Variants in MED13L observed in about 807,000 individuals in gnomAD.
MED13L encodes the protein mediator of RNA polymerase II transcription subunit 13-like.
Under a neutral mutation model 220.9 loss-of-function variants are expected in MED13L, and 7 were observed. That is an observed-to-expected ratio of 0.03 (90% CI 0.02 to 0.06). The LOEUF is 0.06. MED13L is among the 10% of genes least tolerant of loss of function. MED13L has a pLI of 1.00. For synonymous variants in MED13L, 1,011 were observed against 1,015.2 expected (o/e 1.00, Z 0.08); for missense variants, 1,965 against 2,760.5 (o/e 0.71, Z 6.46).
At chr12:116,115,014 TC>T (rs1874391596) in intron 2 of MED13L, among the ~76,000 whole-genome samples, 1 of 152,170 alleles carries the variant, frequency 6.6e-6, no homozygotes, top group Admixed American at 6.5e-5. Flanking sequence ...TCAACTCAAT[TC>T]TAATAAAAAT....
At chr12:116,190,476 T>G (rs1823748083) in intron 2 of MED13L, among the ~76,000 whole-genome samples, 1 of 152,202 alleles carries the variant, frequency 6.6e-6, no homozygotes, top group Admixed American at 6.5e-5. Context: ...GCTCACTACA[T>G]CAAATCTGAA....
chr12:116,179,706 G>C (rs113274284), intron 2 of MED13L, among the ~76,000 whole-genome samples: 2 of 150,570 alleles, frequency 1.3e-5, no homozygotes, highest in South Asian at 4.2e-4. Flanking sequence ...TTTTTTAAAG[G>C]TTACAAGAGA....
At position 116,096,650 on chromosome 12, in the gene MED13L, G is replaced by A. The variant is rs1407654572; in HGVS notation, c.479+19C>T. 2 of 1,608,420 alleles carry A rather than the reference G, an allele frequency of 1.2e-6. No individual in the cohort carries two copies. The highest frequency in any genetic ancestry group is 1.7e-5 in the Admixed American group (1 of 59,982). ...AAGGCCAAAGAAACCAAAAAGCCAAGAGCATTCTAAAGGCTCACCTTTTGT... is the reference window on the plus strand; with the variant it reads ...AAGGCCAAAGAAACCAAAAAGCCAAAAGCATTCTAAAGGCTCACCTTTTGT... On this transcript the variant is annotated intron_variant, in intron 4 of 30. Transcript: ENST00000281928.
At chr12:116,223,849 C>T (rs1868682765) in intron 2 of MED13L, among the ~76,000 whole-genome samples, 1 of 152,154 alleles carries the variant, frequency 6.6e-6, no homozygotes, top group Admixed American at 6.5e-5. Flanking sequence ...TATCCTATAA[C>T]AACATCATGT....
At chr12:116,007,006 G>A (rs527472076) in intron 11 of MED13L, 8 of 272,936 alleles carry the variant, frequency 2.9e-5, no homozygotes, top group Middle Eastern at 1.3e-3. Context: ...TAGGTACAGC[G>A]CTCAGCACAG....
intron 1 of MED13L, among the ~76,000 whole-genome samples, chr12:116,275,006 A>AG (rs2138607511): frequency 6.6e-6 from 1 of 152,006 alleles, no homozygotes; most frequent in Non-Finnish European, 1.5e-5. Context: ...AAAAAAAAAA[A>AG]AGATAAAAGA....
intron 2 of MED13L, among the ~76,000 whole-genome samples, chr12:116,124,713 G>T (rs2137973909): frequency 6.6e-6 from 1 of 152,228 alleles, no homozygotes; most frequent in East Asian, 1.9e-4. Flanking sequence ...GGTTTTAACT[G>T]TAAATATAAA....
At chr12:116,235,312 G>A (rs1465031383) in intron 2 of MED13L, among the ~76,000 whole-genome samples, 1 of 152,010 alleles carries the variant, frequency 6.6e-6, no homozygotes, top group South Asian at 2.1e-4. Context: ...TTCCATTACT[G>A]TAATACTTTC....
intron 2 of MED13L, among the ~76,000 whole-genome samples, chr12:116,231,584 A>G (rs1869557581): frequency 1.3e-5 from 2 of 152,338 alleles, no homozygotes; most frequent in Admixed American, 1.3e-4. Context: ...TGGATCAGAG[A>G]GAGAGAAAAC....
chr12:116,152,477 A>G (rs1270801472), intron 2 of MED13L, among the ~76,000 whole-genome samples: 3 of 152,144 alleles, frequency 2.0e-5, no homozygotes, highest in African/African-American at 7.2e-5. Context: ...CAAAGAATGC[A>G]AGCCACAGTC....
Position 115,959,117 on chromosome 12 carries a change from T to C in MED13L, c.*2149A>G, listed in dbSNP as rs1875599630. The C allele has an allele frequency of 6.6e-6, 1 of 152,586 alleles. No homozygotes were observed. The highest frequency in any genetic ancestry group is 1.5e-5 in the Non-Finnish European group (1 of 68,044). 9.5% of individuals were successfully genotyped at this position (152,586 alleles called of 1,614,324 possible). A position where few individuals can be genotyped will look rare whatever the true frequency, so the allele number is the denominator to read the frequency against. ...AATAATGCATATTTAAGGGAAATAT[T>C]ATACAGACTTTTTCACACAGAAGTA... On this transcript the variant is annotated 3_prime_UTR_variant, in exon 31 of 31. Transcript: ENST00000281928.
At chr12:116,098,542 AG>A (rs1872806028) in intron 3 of MED13L, among the ~76,000 whole-genome samples, 1 of 152,178 alleles carries the variant, frequency 6.6e-6, no homozygotes, top group African/African-American at 2.4e-5. Context: ...AAACAATTCA[AG>A]CCCTCACCCA....
chr12:116,108,090 A>AAAAC (rs1334930524), intron 3 of MED13L, among the ~76,000 whole-genome samples: 20 of 151,988 alleles, frequency 1.3e-4, no homozygotes, highest in African/African-American at 2.4e-4. Flanking sequence ...ACTCCATCTC[A>AAAAC]AAACAAACAA....
intron 2 of MED13L, among the ~76,000 whole-genome samples, chr12:116,165,040 T>C (rs974745610): frequency 6.6e-6 from 1 of 152,188 alleles, no homozygotes; most frequent in Non-Finnish European, 1.5e-5. Context: ...AAGAATATTA[T>C]AGTCTTCATG....
At chr12:115,997,921 T>C (rs1878508275) in intron 14 of MED13L, among the ~76,000 whole-genome samples, 1 of 152,186 alleles carries the variant, frequency 6.6e-6, no homozygotes, top group South Asian at 2.1e-4. Context: ...CAAGTATGTA[T>C]AAAATATTAC....
chr12:116,031,806 A>AGGAAGGAAAG (rs1219016220), intron 4 of MED13L, among the ~76,000 whole-genome samples: 1 of 150,654 alleles, frequency 6.6e-6, no homozygotes, highest in African/African-American at 2.5e-5. Context: ...GAAGGAAAGA[A>AGGAAGGAAAG]AGAGAGAAAG....
intron 14 of MED13L, among the ~76,000 whole-genome samples, chr12:115,999,340 G>C (rs906240970): frequency 6.6e-6 from 1 of 151,678 alleles, no homozygotes; most frequent in African/African-American, 2.4e-5. Flanking sequence ...GCAGTGAGCC[G>C]AGATCTCGCC....
chr12:116,003,121 A>C lies in MED13L; in HGVS notation c.2470-19T>G. The C allele has an allele frequency of 6.2e-7, 1 of 1,602,058 alleles. No homozygotes were observed. The highest frequency in any genetic ancestry group is 1.7e-4 in the Middle Eastern group (1 of 6,048). Reference sequence around the variant, plus strand: ...ATACAGCCTAAGAACAGACGGTGTTATTAAAACAGAGTGACGTGTATATAA... The same window carrying C: ...ATACAGCCTAAGAACAGACGGTGTTCTTAAAACAGAGTGACGTGTATATAA... On this transcript the variant is annotated intron_variant, in intron 13 of 30. Transcript: ENST00000281928.
Position 115,991,882 on chromosome 12 carries a change from C to T in MED13L, c.3072G>A (p.Leu1024=). 6.2e-7 allele frequency: 1 copy of T among 1,603,984 alleles called. No homozygotes were observed. Among genetic ancestry groups the T allele is most frequent in the Non-Finnish European group, 8.5e-7 (1 of 1,179,934 alleles). The change falls in exon 17 of 31, where the codon TTG becomes TTA. Residue 1024 remains leucine, a synonymous_variant. Transcript: ENST00000281928. This position sits in a 1 kb window ranked among gnomAD's most constrained non-coding sequence, Gnocchi z 7.7. ...NTPQMNTPVT[L]NSAAPASNSG... is the part of the protein sequence containing the mutation. Reference sequence around the variant, plus strand: ...TATTGCTGGCTGGGGCAGCGCTGTTCAACGTCACGGGTGTGTTCATCTGTG... The same window carrying T: ...TATTGCTGGCTGGGGCAGCGCTGTTTAACGTCACGGGTGTGTTCATCTGTG...
Sources: gnomAD v4.1 joint callset for allele counts (sites outside exome capture counted in the v4.1 genomes callset) on GRCh38, gnomAD v4.1.1 for gene constraint, Gnocchi (gnomAD v3.1) non-coding constraint, MANE v1.5 for transcripts, NCBI Gene and HGNC (gene_info 2026-07-23, HGNC 2026-07-21) for gene names.